Variants in ESYT1 observed in about 807,000 individuals in gnomAD.
The protein encoded by ESYT1 is extended synaptotagmin 1, also known as extended synaptotagmin-1.
ESYT1 carries 116 observed loss-of-function variants against 154.2 expected under a neutral mutation model. The observed-to-expected ratio is 0.75, with a 90% CI of 0.65 to 0.88. ESYT1 has a LOEUF of 0.88. Among genes scored for constraint, ESYT1 ranks in the 40% least tolerant of loss-of-function variants. The probability of loss-of-function intolerance (pLI) is 0.00; values close to 1 mark genes in which losing one functional copy is unlikely to be tolerated. For missense variants in ESYT1, 1,264 were observed against 1,379.3 expected (o/e 0.92, Z 1.32); for synonymous variants, 500 against 539.9 (o/e 0.93, Z 1.02).
chr12:56,128,800 C>T, intron 1 of ESYT1, 91 bp downstream of exon 1: 2 of 1,517,644 alleles, frequency 1.3e-6, no homozygotes, highest in Admixed American at 1.7e-5. Flanking sequence ...GAGTCAGCTC[C>T]CTGCCTTGGG....
rs751627449 is a variant in ESYT1 at position 56,136,741 on chromosome 12, T to A, written c.1633-3T>A. 3 of 1,598,132 alleles carry A rather than the reference T, an allele frequency of 1.9e-6. No homozygotes were observed. Among genetic ancestry groups the A allele is most frequent in the African/African-American group, 2.7e-5 (2 of 74,270 alleles). On this transcript the variant is annotated splice_region_variant and splice_polypyrimidine_tract_variant and intron_variant, in intron 15 of 30. Coordinates refer to ENST00000394048, the MANE Select transcript of ESYT1 (RefSeq NM_015292.3). ...ACTACAGTCCTTCCTCCTGTGCCTGTAGGTGAAGGATGATTCCAGGGCCCT... is the reference window on the plus strand; with the variant it reads ...ACTACAGTCCTTCCTCCTGTGCCTGAAGGTGAAGGATGATTCCAGGGCCCT...
chr12:56,140,524 C>G (rs1266500528), intron 24 of ESYT1, among the ~76,000 whole-genome samples: 1 of 152,026 alleles, frequency 6.6e-6, no homozygotes, highest in East Asian at 1.9e-4. Context: ...CCACCACGCC[C>G]AGCTAATTTT....
chr12:56,136,435 C>T (rs1870455896), intron 15 of ESYT1, among the ~76,000 whole-genome samples: 1 of 151,714 alleles, frequency 6.6e-6, no homozygotes, highest in Admixed American at 6.6e-5. Context: ...CTAAAAAATA[C>T]AAAAATTTAG....
Position 56,132,534 on chromosome 12 carries a change from C to T in ESYT1, c.1098C>T (p.Thr366=). Residue 366 remains threonine (T), a synonymous_variant, in exon 9 of 31, where the codon ACC becomes ACT. Transcript: ENST00000394048. ...CATATGCACTTGTGCGTTTGGGTACCCAGACATTCTGCAGTCGTGTCATTG... is the reference window on the plus strand; with the variant it reads ...CATATGCACTTGTGCGTTTGGGTACTCAGACATTCTGCAGTCGTGTCATTG... ...SDPYALVRLG[T]QTFCSRVIDE... 6.2e-7 allele frequency: 1 copy of T among 1,614,138 alleles called. No homozygotes were observed. Among genetic ancestry groups the T allele is most frequent in the South Asian group, 1.1e-5 (1 of 91,088 alleles).
In ESYT1 at chr12:56,138,247, G is replaced by C; in HGVS notation, c.2312G>C (p.Arg771Pro). 2 of 1,614,170 alleles carry C rather than the reference G, an allele frequency of 1.2e-6. No individual in the cohort carries two copies. The highest frequency in any genetic ancestry group is 8.5e-7 in the Non-Finnish European group (1 of 1,180,036). Residue 771 changes from arginine (R) to proline (P), a missense_variant, in exon 21 of 31, where the codon CGT (arginine) becomes CCT (proline). Arg to Pro is a moderately radical substitution (Grantham distance 103, BLOSUM62 -2). Transcript: ENST00000394048. The stretch of plus-strand genomic sequence containing the variant: ...TTGCGCCTGGAGCGTCTCACCCCCC[G>C]TCCCACTGCTGCTGAGTTAGAGGAG... Reference protein sequence around the residue: ...LHLRLERLTPRPTAAELEEVL... With the variant: ...LHLRLERLTPPPTAAELEEVL...
intron 12 of ESYT1, 29 bp from the exon 13 acceptor site, chr12:56,133,752 A>G: frequency 6.2e-7 from 1 of 1,613,418 alleles, no homozygotes; most frequent in Non-Finnish European, 8.5e-7. Context: ...AACGGGGACC[A>G]AGATCTGACT....
At position 56,139,195 on chromosome 12, in the gene ESYT1, G is replaced by A. The variant is rs1431249215; in HGVS notation, c.2592+182G>A. On this transcript the variant is annotated intron_variant, in intron 24 of 30. Coordinates refer to ENST00000394048, the MANE Select transcript of ESYT1 (RefSeq NM_015292.3). ...GCTATCTTGGCTCACTGCAAGCTCC[G>A]CCTCCTGGGTTCACACCATTCTCCT... Among the ~76,000 whole-genome samples, 3 of 150,512 alleles carry A rather than the reference G, an allele frequency of 2.0e-5. No individual in the cohort carries two copies. In the East Asian group the frequency reaches 5.9e-4, roughly 29 times the overall value.
At position 56,143,904 on chromosome 12, in the gene ESYT1, TC is replaced by T. The variant is rs781423986; in HGVS notation, c.*43del. 6.8e-6 allele frequency: 11 copies of T among 1,612,858 alleles called. No individual in the cohort carries two copies. In the African/African-American group the frequency reaches 1.5e-4, roughly 22 times the overall value. On this transcript the variant is annotated 3_prime_UTR_variant, in exon 31 of 31. Coordinates refer to ENST00000394048, the MANE Select transcript of ESYT1 (RefSeq NM_015292.3). ...GCCTGACTGCTCTGTCTTCCTGCCTTCGTCTCGCTCCATCACCGCCTCAATG... is the reference window on the plus strand; with the variant it reads ...GCCTGACTGCTCTGTCTTCCTGCCTTGTCTCGCTCCATCACCGCCTCAATG...
In ESYT1 at chr12:56,142,738, G is replaced by C; in HGVS notation, c.2888+6G>C. ...CGCCTAACACATGTTGACAGGTAAA[G>C]GGCTGGGACAGGAAGGTGGGACGCA... On this transcript the variant is annotated splice_donor_region_variant and intron_variant, in intron 26 of 30. Transcript: ENST00000394048. This position sits in a 1 kb window ranked among gnomAD's most constrained non-coding sequence, Gnocchi z 4.1. 11 of 1,613,714 alleles carry C rather than the reference G, an allele frequency of 6.8e-6. No individual in the cohort carries two copies. The highest frequency in any genetic ancestry group is 9.3e-6 in the Non-Finnish European group (11 of 1,179,968).
chr12:56,143,817 T>C lies in ESYT1; in HGVS notation c.3276-6T>C. ...TCATCTTTCTACATGAGCCCTCTTT[T>C]CACAGGTATGACCTGATGGACAACA... On this transcript the variant is annotated splice_region_variant and splice_polypyrimidine_tract_variant and intron_variant, in intron 30 of 30. Transcript: ENST00000394048. The C allele has an allele frequency of 6.2e-7, 1 of 1,614,104 alleles. No individual in the cohort carries two copies. The highest frequency in any genetic ancestry group is 8.5e-7 in the Non-Finnish European group (1 of 1,179,982).
chr12:56,134,931 T>C lies in ESYT1; in HGVS notation c.1632+503T>C, dbSNP rs1024354806. Among the ~76,000 whole-genome samples the C allele has an allele frequency of 3.3e-5, 5 of 152,084 alleles. No individual in the cohort carries two copies. The East Asian group carries it at 9.7e-4, about 30-fold the overall frequency. Reference sequence around the variant, plus strand: ...ATAGGTACTTGTTCTTGAATGATTTTATATATGTGTGTCTTGTCTATGAAA... The same window carrying C: ...ATAGGTACTTGTTCTTGAATGATTTCATATATGTGTGTCTTGTCTATGAAA... On this transcript the variant is annotated intron_variant, in intron 15 of 30. Coordinates refer to ENST00000394048, the MANE Select transcript of ESYT1 (RefSeq NM_015292.3).
chr12:56,132,975 C>T (rs1231543559), intron 10 of ESYT1, among the ~76,000 whole-genome samples, 174 bp downstream of exon 10: 5 of 151,810 alleles, frequency 3.3e-5, no homozygotes, highest in African/African-American at 7.3e-5. Flanking sequence ...AAAAATTAGC[C>T]GGGTGTGGTG....
Position 56,132,284 on chromosome 12 carries a change from T to C in ESYT1, c.936T>C (p.Leu312=). 5 of 1,614,162 alleles carry C rather than the reference T, an allele frequency of 3.1e-6. No individual in the cohort carries two copies. Among genetic ancestry groups the C allele is most frequent in the Non-Finnish European group, 4.2e-6 (5 of 1,180,024 alleles). Residue 312 remains leucine (L), a synonymous_variant, in exon 8 of 31, where the codon CTT becomes CTC. Transcript: ENST00000394048. ...LVLPNRLLVP[L]VPDLQDVAQL... ...TGCCCAACCGATTACTGGTGCCCCT[T>C]GTGCCTGACCTTCAAGATGTGGCTC...
chr12:56,133,773 C>G lies in ESYT1; in HGVS notation c.1381-8C>G. On this transcript the variant is annotated splice_polypyrimidine_tract_variant and splice_region_variant and intron_variant, in intron 12 of 30. Transcript: ENST00000394048. ...GACCAAGATCTGACTACTACCACCC[C>G]TCCCCAGGTTCTACAGTGGAATTGG... is the stretch of plus-strand genomic sequence containing the variant. 1 of 1,614,010 alleles carries G rather than the reference C, an allele frequency of 6.2e-7. No homozygotes were observed. Among genetic ancestry groups the G allele is most frequent in the Non-Finnish European group, 8.5e-7 (1 of 1,179,910 alleles).
intron 30 of ESYT1, 33 bp downstream of exon 30, chr12:56,143,662 A>C: frequency 6.2e-7 from 1 of 1,613,876 alleles, no homozygotes; most frequent in Non-Finnish European, 8.5e-7. Context: ...GATGGTCTGG[A>C]TATTTCAGTG....
intron 24 of ESYT1, among the ~76,000 whole-genome samples, 156 bp downstream of exon 24, chr12:56,139,169 T>C (rs962370563): frequency 2.0e-5 from 3 of 150,660 alleles, no homozygotes; most frequent in Non-Finnish European, 4.4e-5. Flanking sequence ...AGTGCAGTGG[T>C]GCTATCTTGG....
At chr12:56,131,957 G>C (rs1322986855) in intron 7 of ESYT1, among the ~76,000 whole-genome samples, 153 bp downstream of exon 7, 1 of 152,138 alleles carries the variant, frequency 6.6e-6, no homozygotes. Context: ...GTTTGATACT[G>C]TGATTTTTCT....
Position 56,130,816 on chromosome 12 carries a change from T to A in ESYT1, c.458T>A (p.Leu153Gln). ...NKIVAQVWPF[L>Q]GQYMEKLLAE... ...ATTGTGGCCCAGGTCTGGCCCTTCC[T>A]GGGCCAGTATATGGAGAAGCTTCTG... Residue 153 changes from leucine (L) to glutamine (Q), a missense_variant, in exon 3 of 31, where the codon CTG becomes CAG. Coordinates refer to ENST00000394048, the MANE Select transcript of ESYT1 (RefSeq NM_015292.3). 6.2e-7 allele frequency: 1 copy of A among 1,614,066 alleles called. No individual in the cohort carries two copies. The highest frequency in any genetic ancestry group is 8.5e-7 in the Non-Finnish European group (1 of 1,180,032).
chr12:56,133,942 A>C lies in ESYT1; in HGVS notation c.1473+69A>C. On this transcript the variant is annotated intron_variant, in intron 13 of 30. Transcript: ENST00000394048. Reference sequence around the variant, plus strand: ...CCAACCCTGCCTTGCTGAGGATGCAAATGTCCCTGCCTGCTTTGCTCCAGA... The same window carrying C: ...CCAACCCTGCCTTGCTGAGGATGCACATGTCCCTGCCTGCTTTGCTCCAGA... The C allele has an allele frequency of 1.9e-6, 3 of 1,563,382 alleles. No individual in the cohort carries two copies. In the Admixed American group the frequency reaches 5.0e-5, roughly 26 times the overall value.
Sources: gnomAD v4.1 joint callset for allele counts (sites outside exome capture counted in the v4.1 genomes callset) on GRCh38, gnomAD v4.1.1 for gene constraint, Gnocchi (gnomAD v3.1) non-coding constraint, MANE v1.5 for transcripts, NCBI Gene and HGNC (gene_info 2026-07-23, HGNC 2026-07-21) for gene names.